Variants in SGCD observed in about 807,000 individuals in gnomAD.
SGCD encodes delta-sarcoglycan.
Under a neutral mutation model 36.6 loss-of-function variants are expected in SGCD, and 18 were observed. The ratio of observed to expected loss-of-function variants is 0.49; its 90% confidence interval spans 0.34 to 0.73. SGCD has a LOEUF of 0.73. Ranked by LOEUF, SGCD falls within the 30% of genes least tolerant of loss-of-function variation. The probability of loss-of-function intolerance (pLI) is 0.01; values close to 1 mark genes in which losing one functional copy is unlikely to be tolerated. For synonymous variants in SGCD, 133 were observed against 130.6 expected (o/e 1.02, Z -0.12); for missense variants, 387 against 346.7 (o/e 1.12, Z -0.92).
chr5:155,983,160 G>C (rs1338598377), intron 1 of SGCD, among the ~76,000 whole-genome samples: 1 of 152,212 alleles, frequency 6.6e-6, no homozygotes, highest in Non-Finnish European at 1.5e-5. Context: ...AATAGTATTT[G>C]CTAAGTATTT....
At chr5:155,905,358 T>C (rs111925430) in intron 1 of SGCD, among the ~76,000 whole-genome samples, 6 of 152,132 alleles carry the variant, frequency 3.9e-5, no homozygotes, top group African/African-American at 9.7e-5. Context: ...TAGTTACTTT[T>C]TTTTTGGAGA....
chr5:156,508,468 T>C, intron 3 of SGCD, 133 bp from the exon 4 acceptor site: 1 of 616,790 alleles, frequency 1.6e-6, no homozygotes, highest in Non-Finnish European at 2.9e-6. Context: ...ACATGTTTTT[T>C]GAATACCCGT....
chr5:155,745,406 G>A, the SGCD span, among the ~76,000 whole-genome samples: 17 of 152,106 alleles, frequency 1.1e-4, no homozygotes, highest in Non-Finnish European at 1.6e-4. Context: ...AATCTCCTAA[G>A]ATACTCTATA....
intron 1 of SGCD, among the ~76,000 whole-genome samples, chr5:155,977,042 G>A (rs1758129825): frequency 6.6e-6 from 1 of 152,194 alleles, no homozygotes; most frequent in Non-Finnish European, 1.5e-5. Context: ...ATTCAGGCGT[G>A]ATCTTGCTTA....
chr5:156,415,419 A>G (rs1393031903), intron 3 of SGCD, among the ~76,000 whole-genome samples: 2 of 152,172 alleles, frequency 1.3e-5, no homozygotes, highest in South Asian at 2.1e-4. Flanking sequence ...ATTTTGCCTG[A>G]TGGCAATGTT....
intron 1 of SGCD, among the ~76,000 whole-genome samples, chr5:156,080,255 A>G (rs1316688444): frequency 2.0e-5 from 3 of 152,174 alleles, no homozygotes; most frequent in East Asian, 3.9e-4. Flanking sequence ...GGCCTGGCCC[A>G]TGAAATCATC....
chr5:156,117,435 A>G (rs1761930792), intron 1 of SGCD, among the ~76,000 whole-genome samples: 5 of 152,142 alleles, frequency 3.3e-5, no homozygotes, highest in Admixed American at 2.0e-4. Context: ...TCCTGACTAG[A>G]TGAAATATCT....
intron 3 of SGCD, among the ~76,000 whole-genome samples, chr5:156,158,994 T>C (rs1371381860): frequency 6.6e-6 from 1 of 151,606 alleles, no homozygotes; most frequent in African/African-American, 2.4e-5. Context: ...AGAAGACTTA[T>C]CATCATTGTT....
At chr5:156,108,311 T>C (rs1447840890) in intron 1 of SGCD, among the ~76,000 whole-genome samples, 1 of 152,184 alleles carries the variant, frequency 6.6e-6, no homozygotes, top group Non-Finnish European at 1.5e-5. Flanking sequence ...CAAGCAGTTA[T>C]GTATAGGATT....
intron 1 of SGCD, among the ~76,000 whole-genome samples, chr5:155,938,127 G>A (rs1757248052): frequency 6.6e-6 from 1 of 152,188 alleles, no homozygotes; most frequent in South Asian, 2.1e-4. Flanking sequence ...TGCCTTGTTG[G>A]CCCAGGGGGT....
At chr5:156,500,458 C>G (rs113582177) in intron 3 of SGCD, among the ~76,000 whole-genome samples, 1 of 152,134 alleles carries the variant, frequency 6.6e-6, no homozygotes, top group African/African-American at 2.4e-5. Context: ...AAGAGATTAT[C>G]TTGAGACTTG....
intron 3 of SGCD, among the ~76,000 whole-genome samples, chr5:156,301,929 G>C (rs982121831): frequency 2.6e-5 from 4 of 151,076 alleles, no homozygotes; most frequent in Admixed American, 1.3e-4. Flanking sequence ...TGCTGTTTTT[G>C]GAATCGTTTC....
chr5:156,694,417 ACTTG>A (rs1173671108), intron 7 of SGCD, among the ~76,000 whole-genome samples: 8 of 152,314 alleles, frequency 5.3e-5, no homozygotes, highest in African/African-American at 1.9e-4. Flanking sequence ...TATTCTGGCC[ACTTG>A]CTTTATCATT....
At chr5:156,328,365 G>C (rs186016198) in intron 1 of SGCD, among the ~76,000 whole-genome samples, 65 of 152,306 alleles carry the variant, frequency 4.3e-4, no homozygotes, top group Middle Eastern at 3.4e-3. Context: ...TTGGCCAAAA[G>C]TCTGGTTGGG....
the SGCD span, among the ~76,000 whole-genome samples, chr5:155,775,966 G>A: frequency 6.6e-6 from 1 of 152,036 alleles, no homozygotes; most frequent in Non-Finnish European, 1.5e-5. Context: ...ATGCACTTTT[G>A]GTTTCCAGTA....
chr5:156,621,985 G>GT (rs1762269147), intron 6 of SGCD, among the ~76,000 whole-genome samples: 1 of 152,174 alleles, frequency 6.6e-6, no homozygotes, highest in Admixed American at 6.5e-5. Flanking sequence ...AAGTTTAAGG[G>GT]TGGAAGTAAG....
At chr5:155,824,239 A>G in the SGCD span, among the ~76,000 whole-genome samples, 2 of 152,208 alleles carry the variant, frequency 1.3e-5, no homozygotes, top group African/African-American at 2.4e-5. Flanking sequence ...ACTGGGGAGC[A>G]AGGCTGTTTG....
intron 7 of SGCD, among the ~76,000 whole-genome samples, chr5:156,655,470 T>C (rs1444021836): frequency 6.6e-6 from 1 of 152,168 alleles, no homozygotes; most frequent in African/African-American, 2.4e-5. Context: ...TTTTCAGAGT[T>C]ACTATATTTA....
At chr5:156,079,506 C>A (rs565183073) in intron 1 of SGCD, among the ~76,000 whole-genome samples, 1 of 152,238 alleles carries the variant, frequency 6.6e-6, no homozygotes, top group East Asian at 1.9e-4. Flanking sequence ...CATCTGTGAG[C>A]CTGTAAAATC....
Sources: gnomAD v4.1 joint callset for allele counts (sites outside exome capture counted in the v4.1 genomes callset) on GRCh38, gnomAD v4.1.1 for gene constraint, MANE v1.5 for transcripts, NCBI Gene and HGNC (gene_info 2026-07-23, HGNC 2026-07-21) for gene names.